KCNU1: variants seen among roughly 807,000 people sequenced by gnomAD.
KCNU1 encodes the protein potassium channel subfamily U member 1.
A neutral mutation model predicts 126.8 loss-of-function variants in KCNU1; 93 were observed. The ratio of observed to expected loss-of-function variants is 0.73; its 90% CI spans 0.62 to 0.87. The LOEUF (loss-of-function observed/expected upper bound fraction) is 0.87, where lower values mean the gene tolerates loss of function less well. KCNU1 is among the 40% of genes least tolerant of loss of function. The probability of loss-of-function intolerance (pLI) is 0.00; values close to 1 mark genes in which losing one functional copy is unlikely to be tolerated. For synonymous variants in KCNU1, 523 were observed against 494.2 expected (o/e 1.06, Z -0.77); for missense variants, 1,330 against 1,367.1 (o/e 0.97, Z 0.43).
intron 23 of KCNU1, 105 bp from the exon 24 acceptor site, chr8:36,922,385 A>C (rs747295354): frequency 2.7e-5 from 33 of 1,225,190 alleles, no homozygotes; most frequent in Non-Finnish European, 3.5e-5. Flanking sequence ...CAAAGTAGAC[A>C]TCAGATCTTT....
Position 36,845,481 on chromosome 8 carries a change from G to A in KCNU1, c.1704-99G>A. The A allele has an allele frequency of 1.3e-5, 9 of 672,244 alleles. No homozygotes were observed. In the South Asian group the frequency reaches 1.6e-4, roughly 12 times the overall value. 41.6% of individuals were successfully genotyped at this position (672,244 alleles called of 1,614,324 possible). ...GAGGAGGTTGAATACGATTAAATTA[G>A]CAACTCAGAGAATCCATTGATCATA... On this transcript the variant is annotated intron_variant, in intron 16 of 26. Transcript: ENST00000399881.
Position 36,922,514 on chromosome 8 carries a change from T to C in KCNU1, c.2621T>C (p.Ile874Thr). ...GAAAATCCTTCCAACATTCACTTTATTGAACAGCTTGGTGGACTGGAAGGG... is the reference window on the plus strand; with the variant it reads ...GAAAATCCTTCCAACATTCACTTTACTGAACAGCTTGGTGGACTGGAAGGG... The part of the protein sequence containing the change: ...ELKNPSNIHF[I>T]EQLGGLEGSL... The change falls in exon 24 of 27, where the codon ATT becomes ACT. Residue 874 changes from isoleucine (I) to threonine (T), a missense_variant. Physicochemically the swap from Ile to Thr is moderately conservative, Grantham distance 89. Coordinates refer to ENST00000399881, the MANE Select transcript of KCNU1 (RefSeq NM_001031836.3). 2.5e-6 allele frequency: 4 copies of C among 1,612,916 alleles called. No homozygotes were observed. The highest frequency in any genetic ancestry group is 1.3e-5 in the African/African-American group (1 of 74,972).
intron 10 of KCNU1, among the ~76,000 whole-genome samples, chr8:36,826,598 C>A (rs185374971): frequency 6.6e-6 from 1 of 152,100 alleles, no homozygotes; most frequent in African/African-American, 2.4e-5. Context: ...TTGTTTTGAC[C>A]TAGATTCCAG....
intron 12 of KCNU1, among the ~76,000 whole-genome samples, chr8:36,835,551 G>A (rs1289570191): frequency 6.6e-6 from 1 of 152,058 alleles, no homozygotes; most frequent in Non-Finnish European, 1.5e-5. Flanking sequence ...ATGTTGGTCA[G>A]GCTGGTCTTG....
rs1803453560 is a variant in KCNU1, at chr8:36,805,216, A to G, written c.399A>G (p.Ser133=). The part of the protein sequence containing the change: ...NSADPVGSCS[S]YEDKTIPIDL... ...CCAGCCCTGTTGGAAGCTGTTCATC[A>G]TATGAAGACAAAACCATTCCTATTG... Residue 133 remains serine (S), a synonymous_variant, in exon 4 of 27, where the codon TCA becomes TCG. Coordinates refer to ENST00000399881, the MANE Select transcript of KCNU1 (RefSeq NM_001031836.3). The G allele has an allele frequency of 1.9e-6, 3 of 1,610,628 alleles. No homozygotes were observed. Among genetic ancestry groups the G allele is most frequent in the Non-Finnish European group, 2.5e-6 (3 of 1,177,898 alleles).
intron 18 of KCNU1, among the ~76,000 whole-genome samples, chr8:36,846,782 CAG>C (rs1805164826): frequency 9.1e-6 from 1 of 109,882 alleles, no homozygotes; most frequent in Non-Finnish European, 1.8e-5. Flanking sequence ...GCCTGGGCGA[CAG>C]AGCGAAAAAA....
intron 10 of KCNU1, among the ~76,000 whole-genome samples, chr8:36,821,472 C>G (rs1804121180): frequency 6.6e-6 from 1 of 152,088 alleles, no homozygotes; most frequent in Admixed American, 6.6e-5. Flanking sequence ...CACAGGTGTT[C>G]ACATCAGGAC....
At chr8:36,890,965 G>A (rs958392461) in intron 19 of KCNU1, among the ~76,000 whole-genome samples, 3 of 151,514 alleles carry the variant, frequency 2.0e-5, no homozygotes, top group Non-Finnish European at 3.0e-5. Flanking sequence ...TGTGTCTCTT[G>A]TAAATGAAAT....
At chr8:36,865,773 C>CAAAAAAA (rs538090899) in intron 19 of KCNU1, among the ~76,000 whole-genome samples, 2 of 61,384 alleles carry the variant, frequency 3.3e-5, no homozygotes, top group Non-Finnish European at 2.7e-5. Context: ...AAGAGCTTGT[C>CAAAAAAA]AAAAAAAAAA....
At chr8:36,879,609 G>C (rs188707973) in intron 19 of KCNU1, among the ~76,000 whole-genome samples, 3 of 152,186 alleles carry the variant, frequency 2.0e-5, no homozygotes, top group Non-Finnish European at 4.4e-5. Flanking sequence ...AATAAGGAAG[G>C]CTTCCTGCAG....
intron 19 of KCNU1, among the ~76,000 whole-genome samples, chr8:36,885,406 T>C (rs1342006843): frequency 6.6e-6 from 1 of 151,874 alleles, no homozygotes; most frequent in African/African-American, 2.4e-5. Flanking sequence ...AATACAAAAA[T>C]TAGCAGGGCA....
chr8:36,829,457 T>A (rs993681757), intron 10 of KCNU1, among the ~76,000 whole-genome samples: 1 of 151,816 alleles, frequency 6.6e-6, no homozygotes, highest in African/African-American at 2.4e-5. Context: ...ACGATGGGGT[T>A]TATAGAGTGA....
chr8:36,829,138 A>G (rs1476434581), intron 10 of KCNU1, among the ~76,000 whole-genome samples: 1 of 151,800 alleles, frequency 6.6e-6, no homozygotes, highest in African/African-American at 2.4e-5. Context: ...TTGTTATTTA[A>G]TTTTAGGGAT....
chr8:36,814,882 C>G (rs1161422823), intron 8 of KCNU1, among the ~76,000 whole-genome samples: 1 of 152,166 alleles, frequency 6.6e-6, no homozygotes, highest in Non-Finnish European at 1.5e-5. Flanking sequence ...AAAACCACAA[C>G]AGAGTTCTCC....
intron 24 of KCNU1, among the ~76,000 whole-genome samples, chr8:36,928,545 G>A (rs977902417): frequency 6.6e-6 from 1 of 152,068 alleles, no homozygotes; most frequent in African/African-American, 2.4e-5. Context: ...CTGGGGACTA[G>A]GGCTAAGTCA....
intron 2 of KCNU1, among the ~76,000 whole-genome samples, chr8:36,796,094 A>G (rs575386969): frequency 2.0e-5 from 3 of 152,292 alleles, no homozygotes; most frequent in South Asian, 2.1e-4. Flanking sequence ...TTGATGCATA[A>G]TTCATCTTTT....
Position 36,784,432 on chromosome 8 carries a change from A to G in KCNU1, c.22A>G (p.Asn8Asp). Residue 8 changes from asparagine (N) to aspartate (D), a missense_variant, in exon 1 of 27, where the codon AAT becomes GAT. This residue lies in a region of KCNU1 where 247 missense variants were observed against 255.4 expected (regional missense o/e 0.97). Coordinates refer to ENST00000399881, the MANE Select transcript of KCNU1 (RefSeq NM_001031836.3). MFQTKLR[N>D]ETWEDLPKMS... ...GAACATGTTTCAGACTAAGCTACGA[A>G]ATGAAACTTGGGAAGACTTGCCAAA... The G allele has an allele frequency of 6.2e-7, 1 of 1,613,092 alleles. No homozygotes were observed. The highest frequency in any genetic ancestry group is 1.1e-5 in the South Asian group (1 of 90,860).
chr8:36,875,242 A>C (rs1441704770), intron 19 of KCNU1, among the ~76,000 whole-genome samples: 3 of 151,668 alleles, frequency 2.0e-5, no homozygotes, highest in Non-Finnish European at 2.9e-5. Context: ...CTTTAGGGAA[A>C]GATTTTGGTG....
At chr8:36,869,312 C>G (rs879784251) in intron 19 of KCNU1, among the ~76,000 whole-genome samples, 1 of 152,080 alleles carries the variant, frequency 6.6e-6, no homozygotes, top group Non-Finnish European at 1.5e-5. Context: ...TTGTTTGGCC[C>G]TATCACACTT....
Sources: gnomAD v4.1 joint callset for allele counts (sites outside exome capture counted in the v4.1 genomes callset) on GRCh38, gnomAD v4.1.1 for gene constraint, gnomAD v4.1.1 regional missense constraint, MANE v1.5 for transcripts, NCBI Gene and HGNC (gene_info 2026-07-23, HGNC 2026-07-21) for gene names.